The following MYLK variants were observed in gnomAD, a reference collection of about 807,000 sequenced individuals.
The protein encoded by MYLK is myosin light chain kinase, smooth muscle.
A neutral mutation model predicts 203.4 loss-of-function variants in MYLK; 106 were observed. That is an observed-to-expected ratio of 0.52 (90% CI 0.45 to 0.61). The LOEUF is 0.61. Among genes scored for constraint, MYLK ranks in the 20% least tolerant of loss-of-function variants. The pLI, the probability that MYLK is intolerant of heterozygous loss-of-function variation, is 0.00. For missense variants in MYLK, 2,072 were observed against 2,442.3 expected (o/e 0.85, Z 3.20); for synonymous variants, 867 against 959.5 (o/e 0.90, Z 1.78).
At chr3:123,838,198 G>A (rs1051620624) in intron 2 of MYLK, among the ~76,000 whole-genome samples, 2 of 152,038 alleles carry the variant, frequency 1.3e-5, no homozygotes, top group Admixed American at 1.3e-4. Context: ...GGGAATACAT[G>A]AAAGCATACT....
chr3:123,692,191 A>T, intron 19 of MYLK: 1 of 501,882 alleles, frequency 2.0e-6, no homozygotes, highest in Non-Finnish European at 2.6e-6. Context: ...GTGTCCTCCC[A>T]CCTCCCTCTG....
rs1226191700 is a variant in MYLK, at chr3:123,647,364, C to T, written c.4479G>A (p.Lys1493=). ...EKKTRKVWAG[K]FFKAYSAKEK... Reference sequence around the variant, plus strand: ...CTTTTGCTGAATATGCCTTGAAGAACTTCCCTGCCCAGACTTTTCGAGTTT... The same window carrying T: ...CTTTTGCTGAATATGCCTTGAAGAATTTCCCTGCCCAGACTTTTCGAGTTT... The change falls in exon 27 of 34, where the codon AAG becomes AAA. Residue 1493 remains lysine (K), a synonymous_variant. Coordinates refer to ENST00000360304, the MANE Select transcript of MYLK (RefSeq NM_053025.4). 5 of 1,614,118 alleles carry T rather than the reference C, an allele frequency of 3.1e-6. No homozygotes were observed. The highest frequency in any genetic ancestry group is 3.3e-5 in the Admixed American group (2 of 60,006).
In MYLK at chr3:123,642,710, G is replaced by A. The variant is rs546979047; in HGVS notation, c.4620-2206C>T. 1.3e-5 allele frequency among the ~76,000 whole-genome samples: 2 copies of A among 152,276 alleles called. No homozygotes were observed. The highest frequency in any genetic ancestry group is 4.1e-4 in the South Asian group (2 of 4,826). On this transcript the variant is annotated intron_variant, in intron 27 of 33. Coordinates refer to ENST00000360304, the MANE Select transcript of MYLK (RefSeq NM_053025.4). The surrounding 1 kb of genome is among the most constrained non-coding windows in gnomAD (Gnocchi z 4.2). ...GTCTCAGCCAGTTATTAACATCTCT[G>A]TGCTTCATTTTCCTCATCTGTAAGA...
At chr3:123,690,945 C>A (rs907240801) in intron 19 of MYLK, among the ~76,000 whole-genome samples, 1 of 151,886 alleles carries the variant, frequency 6.6e-6, no homozygotes, top group African/African-American at 2.4e-5. Context: ...TTTTAAGTTG[C>A]AGAATGAATT....
At chr3:123,675,377 A>T (rs562539016) in intron 20 of MYLK, among the ~76,000 whole-genome samples, 1 of 152,046 alleles carries the variant, frequency 6.6e-6, no homozygotes, top group Non-Finnish European at 1.5e-5. Flanking sequence ...AGTCCTGGGG[A>T]AAAAAAAGGA....
intron 33 of MYLK, among the ~76,000 whole-genome samples, chr3:123,615,649 C>T (rs1261317150): frequency 3.0e-5 from 2 of 66,976 alleles, no homozygotes; most frequent in African/African-American, 1.3e-4. Context: ...ATACAATTTT[C>T]TATCTTTTTT....
intron 4 of MYLK, among the ~76,000 whole-genome samples, chr3:123,779,435 C>A (rs1384097870): frequency 6.6e-6 from 1 of 152,206 alleles, no homozygotes; most frequent in Non-Finnish European, 1.5e-5. Flanking sequence ...TTTTCACTCC[C>A]CTGTCAGGCT....
At chr3:123,802,901 C>G (rs770516144) in intron 3 of MYLK, among the ~76,000 whole-genome samples, 6 of 152,166 alleles carry the variant, frequency 3.9e-5, no homozygotes, top group Non-Finnish European at 8.8e-5. Context: ...TTTGGGGTAT[C>G]AAGTATACTT....
chr3:123,662,425 G>C (rs530272870), intron 23 of MYLK, among the ~76,000 whole-genome samples: 2 of 152,110 alleles, frequency 1.3e-5, no homozygotes, highest in African/African-American at 4.8e-5. Flanking sequence ...AACTAAGTCA[G>C]GGAATCACAG....
intron 2 of MYLK, among the ~76,000 whole-genome samples, chr3:123,859,712 C>T (rs2031725667): frequency 6.6e-6 from 1 of 152,102 alleles, no homozygotes; most frequent in Non-Finnish European, 1.5e-5. Context: ...AGGACAAGAA[C>T]AAACAATTCA....
chr3:123,866,781 G>A (rs2032359979), intron 2 of MYLK, among the ~76,000 whole-genome samples: 2 of 152,106 alleles, frequency 1.3e-5, no homozygotes, highest in African/African-American at 4.8e-5. Context: ...AGGAGCTTGG[G>A]TGTCTCTAAA....
intron 29 of MYLK, 59 bp downstream of exon 29, chr3:123,638,012 G>GC: frequency 6.2e-7 from 1 of 1,611,474 alleles, no homozygotes; most frequent in Non-Finnish European, 8.5e-7. Flanking sequence ...GGAACCCTCA[G>GC]CCCCCACCCA....
intron 1 of MYLK, among the ~76,000 whole-genome samples, chr3:123,879,545 T>A (rs2033384182): frequency 6.7e-6 from 1 of 150,132 alleles, no homozygotes; most frequent in Admixed American, 6.6e-5. Flanking sequence ...TTGCATGTTG[T>A]CCCTGTTTTC....
chr3:123,655,809 G>T (rs2059373787), intron 24 of MYLK, among the ~76,000 whole-genome samples: 1 of 152,152 alleles, frequency 6.6e-6, no homozygotes, highest in African/African-American at 2.4e-5. Flanking sequence ...TGCTTCATTG[G>T]GCTATTGGGA....
chr3:123,616,654 C>A (rs986033023), intron 33 of MYLK: 47 of 152,166 alleles, frequency 3.1e-4, no homozygotes, highest in African/African-American at 1.0e-3. Context: ...GTGTTTGGGT[C>A]ATGGAGGCCG....
At chr3:123,709,602 G>A (rs1461852803) in intron 14 of MYLK, 154 bp downstream of exon 14, 15 of 952,726 alleles carry the variant, frequency 1.6e-5, no homozygotes. Flanking sequence ...AGAAAAGAGA[G>A]GACAAGAGTC....
chr3:123,756,712 T>C (rs1230822509), intron 4 of MYLK, among the ~76,000 whole-genome samples: 2 of 152,104 alleles, frequency 1.3e-5, no homozygotes, highest in Non-Finnish European at 2.9e-5. Context: ...CTCACAAACA[T>C]GAATAGACAG....
At chr3:123,872,877 C>T (rs1352079793) in intron 2 of MYLK, among the ~76,000 whole-genome samples, 1 of 152,136 alleles carries the variant, frequency 6.6e-6, no homozygotes. Flanking sequence ...CTTCTCCCCT[C>T]CCCAGATGTT....
At chr3:123,630,076 C>A (rs573026955) in intron 29 of MYLK, among the ~76,000 whole-genome samples, 1 of 152,264 alleles carries the variant, frequency 6.6e-6, no homozygotes, top group Admixed American at 6.5e-5. Context: ...TCTCCACACA[C>A]CTTCAGCTCC....
Sources: gnomAD v4.1 joint callset for allele counts (sites outside exome capture counted in the v4.1 genomes callset) on GRCh38, gnomAD v4.1.1 for gene constraint, Gnocchi (gnomAD v3.1) non-coding constraint, MANE v1.5 for transcripts, NCBI Gene and HGNC (gene_info 2026-07-23, HGNC 2026-07-21) for gene names.